NUBPL: variants seen among roughly 807,000 people sequenced by gnomAD.
NUBPL encodes the protein NUBP iron-sulfur cluster assembly factor, mitochondrial.
NUBPL carries 31 observed loss-of-function variants against 45.7 expected under a neutral mutation model. That is an observed-to-expected ratio of 0.68 (90% CI 0.51 to 0.92). The LOEUF (loss-of-function observed/expected upper bound fraction) is 0.92. Among genes scored for constraint, NUBPL ranks in the 40% least tolerant of loss-of-function variants. NUBPL has a pLI of 0.00. For synonymous variants in NUBPL, 144 were observed against 140.9 expected (o/e 1.02, Z -0.15); for missense variants, 401 against 398.7 (o/e 1.01, Z -0.05).
intron 8 of NUBPL, among the ~76,000 whole-genome samples, chr14:31,842,382 TAAC>T: frequency 6.6e-6 from 1 of 152,220 alleles, no homozygotes; most frequent in Non-Finnish European, 1.5e-5. Context: ...ATTTATCCTT[TAAC>T]TAGGAGAAGT....
intron 3 of NUBPL, among the ~76,000 whole-genome samples, chr14:31,590,229 C>G (rs1175957433): frequency 6.6e-6 from 1 of 152,130 alleles, no homozygotes; most frequent in Non-Finnish European, 1.5e-5. Flanking sequence ...CAACCTCTGC[C>G]TCCCAGGTTC....
intron 6 of NUBPL, among the ~76,000 whole-genome samples, chr14:31,694,794 G>A (rs1258897988): frequency 6.6e-6 from 1 of 152,200 alleles, no homozygotes; most frequent in Non-Finnish European, 1.5e-5. Context: ...GATTACAGGC[G>A]TGAGCCTCTG....
intron 8 of NUBPL, among the ~76,000 whole-genome samples, chr14:31,835,204 A>C (rs1300457437): frequency 3.9e-5 from 6 of 152,202 alleles, no homozygotes; most frequent in Admixed American, 2.0e-4. Flanking sequence ...AGGATGGCTC[A>C]AATCAGGCCT....
chr14:31,739,821 T>G (rs1455299671), intron 6 of NUBPL, among the ~76,000 whole-genome samples: 2 of 152,228 alleles, frequency 1.3e-5, no homozygotes, highest in Non-Finnish European at 2.9e-5. Flanking sequence ...CTATTGATCC[T>G]TCTCTCCCTC....
At position 31,859,826 on chromosome 14, in the gene NUBPL, G is replaced by T. The variant is rs2040684083; in HGVS notation, c.*646G>T. On this transcript the variant is annotated 3_prime_UTR_variant, in exon 11 of 11. Transcript: ENST00000281081. Reference sequence around the variant, plus strand: ...TAATTATAATTGTTCTTCCATTTGTGTGAGTGGGTACTATTATCTCCATTT... The same window carrying T: ...TAATTATAATTGTTCTTCCATTTGTTTGAGTGGGTACTATTATCTCCATTT... The T allele has an allele frequency of 6.4e-6, 1 of 156,076 alleles. No homozygotes were observed. Among genetic ancestry groups the T allele is most frequent in the Admixed American group, 6.1e-5 (1 of 16,338 alleles). The allele number at this position is 156,076 out of a possible 1,614,324, so 9.7% of individuals were successfully genotyped here.
Position 31,578,055 on chromosome 14 carries a change from G to C in NUBPL, c.291+13007G>C, listed in dbSNP as rs939290693. On this transcript the variant is annotated intron_variant, in intron 3 of 10. Transcript: ENST00000281081. ...GTGATTGAAAACAGATTACACTTTG[G>C]CAGAATTCTCCAAAGTTTTGAATGC... 4 of 1,098,556 alleles carry C rather than the reference G, an allele frequency of 3.6e-6. No individual in the cohort carries two copies. The South Asian group carries it at 5.2e-5, about 14-fold the overall frequency. The allele number at this position is 1,098,556 out of a possible 1,614,324, so 68.1% of individuals were successfully genotyped here.
intron 6 of NUBPL, among the ~76,000 whole-genome samples, chr14:31,715,812 A>T (rs886797014): frequency 2.0e-5 from 3 of 152,054 alleles, no homozygotes; most frequent in Admixed American, 6.5e-5. Context: ...TATTTAAAAA[A>T]TTTTCTTTCT....
intron 7 of NUBPL, among the ~76,000 whole-genome samples, chr14:31,804,052 C>T (rs1226318857): frequency 6.6e-6 from 1 of 152,104 alleles, no homozygotes; most frequent in Non-Finnish European, 1.5e-5. Flanking sequence ...CACCACCACA[C>T]CTAACTCTCA....
At chr14:31,675,473 G>C (rs1024143092) in intron 6 of NUBPL, among the ~76,000 whole-genome samples, 2 of 152,180 alleles carry the variant, frequency 1.3e-5, no homozygotes, top group African/African-American at 4.8e-5. Context: ...TCAGTAGCTA[G>C]ATAGAACTTT....
Position 31,736,844 on chromosome 14 carries a change from A to T in NUBPL, c.514-50936A>T, listed in dbSNP as rs548592142. ...TTCATATGAGAATTCCAGTTGTTCT[A>T]CATCCTTATTAACACTTGGTTTATC... On this transcript the variant is annotated intron_variant, in intron 6 of 10. Coordinates refer to ENST00000281081, the MANE Select transcript of NUBPL (RefSeq NM_025152.3). Among the ~76,000 whole-genome samples the T allele has an allele frequency of 2.6e-5, 4 of 152,298 alleles. No homozygotes were observed. In the East Asian group the frequency reaches 7.7e-4, roughly 29 times the overall value.
At chr14:31,819,693 A>G (rs1595676018) in intron 7 of NUBPL, among the ~76,000 whole-genome samples, 1 of 152,232 alleles carries the variant, frequency 6.6e-6, no homozygotes, top group African/African-American at 2.4e-5. Context: ...ATTTTGTAAA[A>G]TGTTTATGTA....
intron 4 of NUBPL, among the ~76,000 whole-genome samples, chr14:31,613,016 A>G (rs113016431): frequency 1.3e-5 from 2 of 152,322 alleles, no homozygotes; most frequent in African/African-American, 4.8e-5. Flanking sequence ...AGCACTGTTC[A>G]CAATAGCTAA....
chr14:31,718,365 C>T (rs35647158), intron 6 of NUBPL, among the ~76,000 whole-genome samples: 44,993 of 152,072 alleles, frequency 0.3, 7,517 homozygotes, highest in South Asian at 0.41. Context: ...TATAACTAAT[C>T]TTAGTTAAGA....
chr14:31,658,720 C>T (rs371810879), intron 4 of NUBPL, among the ~76,000 whole-genome samples: 17 of 152,152 alleles, frequency 1.1e-4, no homozygotes, highest in African/African-American at 4.1e-4. Context: ...CCATGTTGGC[C>T]AGGATGGTCT....
At chr14:31,609,477 T>A (rs1437152616) in intron 4 of NUBPL, among the ~76,000 whole-genome samples, 1 of 152,190 alleles carries the variant, frequency 6.6e-6, no homozygotes, top group African/African-American at 2.4e-5. Context: ...CAATAATACC[T>A]GGAGACTTCA....
At chr14:31,598,855 T>A (rs895691073) in intron 3 of NUBPL, among the ~76,000 whole-genome samples, 3 of 152,174 alleles carry the variant, frequency 2.0e-5, no homozygotes, top group Non-Finnish European at 4.4e-5. Context: ...TTTGTCTTCT[T>A]TGGTGTGTTA....
chr14:31,760,149 G>GAGAGAGAGAGAGAGAGAGAGAGAA (rs1414797333), intron 6 of NUBPL, among the ~76,000 whole-genome samples: 1 of 130,784 alleles, frequency 7.6e-6, no homozygotes, highest in Non-Finnish European at 1.6e-5. Flanking sequence ...GTGTGTGAGA[G>GAGAGAGAGAGAGAGAGAGAGAGAA]AGAGAGAGAG....
intron 6 of NUBPL, among the ~76,000 whole-genome samples, chr14:31,707,505 C>G (rs970582417): frequency 1.3e-5 from 2 of 152,134 alleles, no homozygotes; most frequent in African/African-American, 4.8e-5. Context: ...TTTTGTCTCT[C>G]TGGTTCTCTC....
At chr14:31,599,204 T>C (rs747793407) in intron 3 of NUBPL, 85 bp from the exon 4 acceptor site, 10 of 1,012,864 alleles carry the variant, frequency 9.9e-6, no homozygotes, top group Non-Finnish European at 1.5e-5. Flanking sequence ...ACTGTTGCTA[T>C]ATGCTTCACC....
Sources: allele counts gnomAD v4.1 joint callset (sites outside exome capture counted in the v4.1 genomes callset), GRCh38; gene constraint gnomAD v4.1.1; transcripts MANE v1.5; gene names NCBI Gene and HGNC (gene_info 2026-07-23, HGNC 2026-07-21).